Variants in IGF2BP3 observed in about 807,000 individuals in gnomAD.
IGF2BP3 encodes insulin like growth factor 2 mRNA binding protein 3.
In IGF2BP3, 9 loss-of-function variants were observed where a neutral mutation model predicts 73.8. The ratio of observed to expected loss-of-function variants is 0.12; its 90% CI spans 0.07 to 0.21. IGF2BP3 has a LOEUF of 0.21. Ranked by LOEUF, IGF2BP3 falls within the 10% of genes least tolerant of loss-of-function variation. The pLI, the probability that IGF2BP3 is intolerant of heterozygous loss-of-function variation, is 1.00. For missense variants in IGF2BP3, 542 were observed against 714.0 expected, an observed-to-expected ratio of 0.76 and a Z score of 2.75; for synonymous variants, 258 against 256.7, an observed-to-expected ratio of 1.01 and a Z score of -0.05.
intron 12 of IGF2BP3, among the ~76,000 whole-genome samples, chr7:23,315,739 A>G (rs182483118): frequency 1.3e-5 from 2 of 152,318 alleles, no homozygotes; most frequent in East Asian, 3.9e-4. Flanking sequence ...GATATACACT[A>G]TCCTCCAAAA....
At chr7:23,462,922 C>A (rs1002610295) in intron 2 of IGF2BP3, among the ~76,000 whole-genome samples, 6 of 152,184 alleles carry the variant, frequency 3.9e-5, no homozygotes, top group African/African-American at 1.4e-4. Context: ...CATCAGCCTT[C>A]AAGCAAAATT....
chr7:23,440,402 C>T (rs1301994258), intron 2 of IGF2BP3, among the ~76,000 whole-genome samples: 1 of 152,206 alleles, frequency 6.6e-6, no homozygotes, highest in African/African-American at 2.4e-5. Context: ...TGCCACTGCA[C>T]TCCAGCCTGG....
intron 10 of IGF2BP3, among the ~76,000 whole-genome samples, chr7:23,320,623 A>C (rs1162275728): frequency 6.6e-6 from 1 of 150,648 alleles, no homozygotes; most frequent in African/African-American, 2.4e-5. Context: ...CAACTGAAGA[A>C]GCCAGTAATA....
At chr7:23,365,318 T>A (rs529287924) in intron 3 of IGF2BP3, among the ~76,000 whole-genome samples, 7 of 152,216 alleles carry the variant, frequency 4.6e-5, no homozygotes, top group Non-Finnish European at 8.8e-5. Context: ...TTAATTCTTC[T>A]GAAAAGCAAT....
intron 5 of IGF2BP3, among the ~76,000 whole-genome samples, chr7:23,357,047 T>C (rs1195826929): frequency 1.3e-5 from 2 of 152,332 alleles, no homozygotes; most frequent in African/African-American, 2.4e-5. Context: ...CAAAACTCTA[T>C]GGCAAATTTA....
intron 2 of IGF2BP3, among the ~76,000 whole-genome samples, chr7:23,466,129 C>A (rs1191233394): frequency 6.6e-6 from 1 of 151,946 alleles, no homozygotes; most frequent in East Asian, 1.9e-4. Flanking sequence ...AGCAATTCTC[C>A]TGCCTCAGCC....
chr7:23,469,973 G>A lies in IGF2BP3; in HGVS notation c.138C>T (p.Asp46=), dbSNP rs904448331. The change falls in exon 1 of 15, where the codon GAC becomes GAT. Residue 46 remains aspartate, a synonymous_variant. Coordinates refer to ENST00000258729, the MANE Select transcript of IGF2BP3 (RefSeq NM_006547.3). The surrounding 1 kb of genome is among the most constrained non-coding windows in gnomAD (Gnocchi z 6.1). ...KTGYAFVDCP[D]ESWALKAIEA... The stretch of plus-strand genomic sequence containing the variant: ...CGATGGCCTTGAGGGCCCAGCTCTC[G>A]TCCGGGCAGTCCACGAACGCGTAGC... 6.2e-7 allele frequency: 1 copy of A among 1,612,342 alleles called. No individual in the cohort carries two copies. Among genetic ancestry groups the A allele is most frequent in the Non-Finnish European group, 8.5e-7 (1 of 1,179,670 alleles).
intron 2 of IGF2BP3, among the ~76,000 whole-genome samples, chr7:23,437,183 A>G (rs1192144136): frequency 2.0e-5 from 3 of 151,746 alleles, no homozygotes; most frequent in African/African-American, 7.3e-5. Flanking sequence ...AACTTAATGT[A>G]TATTAATAAA....
intron 3 of IGF2BP3, among the ~76,000 whole-genome samples, chr7:23,387,933 GAA>G (rs1425515810): frequency 5.9e-4 from 89 of 152,038 alleles, no homozygotes; most frequent in Non-Finnish European, 1.1e-3. Flanking sequence ...GAAAAGTTTA[GAA>G]TTTTTTTTTT....
chr7:23,402,348 A>T (rs1786695213), intron 3 of IGF2BP3: 1 of 152,238 alleles, frequency 6.6e-6, no homozygotes, highest in Non-Finnish European at 1.5e-5. Context: ...AGAAATAAAC[A>T]GCTTGAGTTA....
chr7:23,343,883 A>G (rs769975804), intron 8 of IGF2BP3, 30 bp from the exon 9 acceptor site: 13 of 1,601,520 alleles, frequency 8.1e-6, no homozygotes, highest in East Asian at 6.7e-5. Context: ...GGAAAGAAAA[A>G]GAATGAAAAT....
chr7:23,436,157 T>C (rs1463913495), intron 2 of IGF2BP3, among the ~76,000 whole-genome samples: 1 of 152,182 alleles, frequency 6.6e-6, no homozygotes, highest in African/African-American at 2.4e-5. Flanking sequence ...CCAATCATAA[T>C]GGAAGAAACT....
In IGF2BP3 at chr7:23,371,430, A is replaced by G. The variant is rs775308608; in HGVS notation, c.286-9689T>C. Among the ~76,000 whole-genome samples, 31 of 152,350 alleles carry G rather than the reference A, an allele frequency of 2.0e-4. 1 individual carries two copies. Among genetic ancestry groups the G allele is most frequent in the African/African-American group, 6.7e-4 (28 of 41,582 alleles). The stretch of plus-strand genomic sequence containing the variant: ...TTACATCTATTTGTGAGAAATGGCT[A>G]TATTACAAAATGAAGAACAATCTGT... On this transcript the variant is annotated intron_variant, in intron 3 of 14. Transcript: ENST00000258729.
At chr7:23,319,960 G>C (rs544071951) in intron 10 of IGF2BP3, among the ~76,000 whole-genome samples, 15 of 151,804 alleles carry the variant, frequency 9.9e-5, no homozygotes, top group Non-Finnish European at 1.3e-4. Flanking sequence ...GCCCAGACTA[G>C]AGTGCAATGG....
intron 3 of IGF2BP3, among the ~76,000 whole-genome samples, chr7:23,393,547 G>A (rs978511689): frequency 6.6e-6 from 1 of 152,202 alleles, no homozygotes; most frequent in African/African-American, 2.4e-5. Context: ...AGGGAAACAG[G>A]CTGAGAGGGG....
chr7:23,445,914 T>C (rs557407964), intron 2 of IGF2BP3, among the ~76,000 whole-genome samples: 2 of 152,314 alleles, frequency 1.3e-5, no homozygotes, highest in South Asian at 4.1e-4. Flanking sequence ...ATTAGATTTA[T>C]TACATTTAGG....
At chr7:23,351,668 C>T (rs1394583526) in intron 5 of IGF2BP3, 82 bp from the exon 6 acceptor site, 1 of 1,451,184 alleles carries the variant, frequency 6.9e-7, no homozygotes, top group East Asian at 2.3e-5. Context: ...CCCATCTCTT[C>T]TACTCAGCAT....
chr7:23,399,270 CCT>C (rs1185446097), intron 3 of IGF2BP3, among the ~76,000 whole-genome samples: 2 of 151,952 alleles, frequency 1.3e-5, no homozygotes, highest in Non-Finnish European at 2.9e-5. Flanking sequence ...TTGATCTATA[CCT>C]CTGTTTTGGT....
chr7:23,329,485 T>C (rs993089741), intron 10 of IGF2BP3, among the ~76,000 whole-genome samples: 4 of 152,224 alleles, frequency 2.6e-5, no homozygotes, highest in African/African-American at 9.6e-5. Context: ...GTAGAACTGC[T>C]GAGTCAAAAG....
Sources: gnomAD v4.1 joint callset for allele counts (sites outside exome capture counted in the v4.1 genomes callset) on GRCh38, gnomAD v4.1.1 for gene constraint, Gnocchi (gnomAD v3.1) non-coding constraint, MANE v1.5 for transcripts, NCBI Gene and HGNC (gene_info 2026-07-23, HGNC 2026-07-21) for gene names.